XIRP2: variants seen among roughly 807,000 people sequenced by gnomAD.
The protein encoded by XIRP2 is xin actin binding repeat containing 2, also known as xin actin-binding repeat-containing protein 2.
In XIRP2, 236 loss-of-function variants were observed where a neutral mutation model predicts 277.0. The observed-to-expected ratio is 0.85, with a 90% CI of 0.77 to 0.95. The LOEUF is 0.95. XIRP2 is among the 40% of genes least tolerant of loss of function. XIRP2 has a pLI of 0.00. For synonymous variants in XIRP2, 1,490 were observed against 1,416.5 expected (o/e 1.05, Z -1.17); for missense variants, 4,640 against 4,157.5 (o/e 1.12, Z -3.19).
In XIRP2 at chr2:167,210,789, G is replaced by C; in HGVS notation, c.617G>C (p.Arg206Pro). 1 of 1,614,158 alleles carries C rather than the reference G, an allele frequency of 6.2e-7. No individual in the cohort carries two copies. Among genetic ancestry groups the C allele is most frequent in the Non-Finnish European group, 8.5e-7 (1 of 1,180,010 alleles). Residue 206 changes from arginine to proline, a missense_variant, in exon 4 of 11, where the codon CGG becomes CCG. Arg to Pro is a moderately radical substitution (Grantham distance 103). Coordinates refer to ENST00000409195, the MANE Select transcript of XIRP2 (RefSeq NM_152381.6). ...GGATTTGCAGAAGACAGTGCTGCTC[G>C]GGGCGAGGGTGTGTCAGACCTCCAC... ...ESGFAEDSAA[R>P]GEGVSDLHEV...
intron 2 of XIRP2, among the ~76,000 whole-genome samples, chr2:166,996,487 C>T (rs539305569): frequency 1.3e-5 from 2 of 152,084 alleles, no homozygotes; most frequent in South Asian, 2.1e-4. Flanking sequence ...AAAAATTAGG[C>T]GTGGTGATGC....
At chr2:167,187,455 G>A (rs1202848305) in intron 3 of XIRP2, 5 of 985,258 alleles carry the variant, frequency 5.1e-6, no homozygotes, top group South Asian at 4.7e-5. Context: ...AAACAAGGGA[G>A]GAAGCTAGTC....
At chr2:166,899,290 C>T (rs1307184552) in intron 1 of XIRP2, among the ~76,000 whole-genome samples, 1 of 152,054 alleles carries the variant, frequency 6.6e-6, no homozygotes, top group Non-Finnish European at 1.5e-5. Flanking sequence ...CTCCTTTATC[C>T]CTTTTCCCTA....
At chr2:167,240,818 A>G (rs1228612649) in intron 7 of XIRP2, 82 bp downstream of exon 7, 10 of 1,200,996 alleles carry the variant, frequency 8.3e-6, no homozygotes, top group Middle Eastern at 1.9e-4. Context: ...TCCAAAGCAC[A>G]GTCCTCCCCT....
At chr2:167,089,749 T>C (rs957104525) in intron 2 of XIRP2, among the ~76,000 whole-genome samples, 7 of 152,144 alleles carry the variant, frequency 4.6e-5, no homozygotes, top group African/African-American at 1.7e-4. Flanking sequence ...GACTTACCAG[T>C]CAGAGTTAGC....
chr2:166,933,219 G>C (rs891598693), intron 2 of XIRP2, among the ~76,000 whole-genome samples: 3 of 151,296 alleles, frequency 2.0e-5, no homozygotes, highest in African/African-American at 7.3e-5. Context: ...CGTGATCTTG[G>C]CTCATTGCAA....
At chr2:166,967,780 A>T (rs1261646856) in intron 2 of XIRP2, among the ~76,000 whole-genome samples, 1 of 151,934 alleles carries the variant, frequency 6.6e-6, no homozygotes, top group East Asian at 1.9e-4. Flanking sequence ...AGTGGAAAGA[A>T]ATTTTATTTA....
rs372136511 is a variant in XIRP2 at position 166,903,736 on chromosome 2, A to G, written c.254A>G (p.Asn85Ser). 3.7e-6 allele frequency: 6 copies of G among 1,613,652 alleles called. No homozygotes were observed. Among genetic ancestry groups the G allele is most frequent in the Non-Finnish European group, 5.1e-6 (6 of 1,179,798 alleles). The change falls in exon 2 of 11, where the codon AAC (asparagine) becomes AGC (serine). Residue 85 changes from asparagine (N) to serine (S), a missense_variant. By Grantham distance (46) the Asn-to-Ser change is conservative. Coordinates refer to ENST00000409195, the MANE Select transcript of XIRP2 (RefSeq NM_152381.6). The stretch of plus-strand genomic sequence containing the variant: ...GAGAAGGATTCTGTGGACAAGAGTA[A>G]CAACACCAGGGAATATGGTCGGCCA... ...PEEKDSVDKSNNTREYGRPEV... is the reference protein window; with the variant it reads ...PEEKDSVDKSSNTREYGRPEV...
intron 2 of XIRP2, among the ~76,000 whole-genome samples, chr2:167,076,297 T>A (rs902380449): frequency 6.6e-6 from 1 of 152,252 alleles, no homozygotes; most frequent in Non-Finnish European, 1.5e-5. Flanking sequence ...TCTTAGACTA[T>A]ACTCAATCTT....
rs1559042162 is a variant in XIRP2, at chr2:167,247,802, A to C, written c.6410A>C (p.Glu2137Ala). 6 of 1,613,292 alleles carry C rather than the reference A, an allele frequency of 3.7e-6. No homozygotes were observed. The South Asian group carries it at 6.6e-5, about 18-fold the overall frequency. ...YELRNDHQKMEGFHIKSPKKT... is the reference protein window; with the variant it reads ...YELRNDHQKMAGFHIKSPKKT... ...CTGAGAAATGACCACCAGAAAATGG[A>C]GGGTTTTCATATAAAGAGTCCTAAA... Residue 2137 changes from glutamate to alanine, a missense_variant, in exon 9 of 11, where the codon GAG becomes GCG. Coordinates refer to ENST00000409195, the MANE Select transcript of XIRP2 (RefSeq NM_152381.6).
At chr2:167,151,538 A>G (rs1451117956) in intron 3 of XIRP2, among the ~76,000 whole-genome samples, 1 of 152,136 alleles carries the variant, frequency 6.6e-6, no homozygotes, top group Admixed American at 6.6e-5. Context: ...TGTTAACACC[A>G]ATTATATGTA....
chr2:166,908,775 C>A (rs1433548976), intron 2 of XIRP2, among the ~76,000 whole-genome samples: 3 of 152,162 alleles, frequency 2.0e-5, no homozygotes, highest in African/African-American at 7.2e-5. Flanking sequence ...TTTAATCCAT[C>A]TTGAATTAAT....
rs186677814 is a variant in XIRP2, at chr2:167,097,264, C to T, written c.409-38645C>T. On this transcript the variant is annotated intron_variant, in intron 2 of 10. Transcript: ENST00000409195. Reference sequence around the variant, plus strand: ...GCATATGTATTTGGGATAGTTAGCTCTTCTTGTTCCATTGATCCCTTTACC... The same window carrying T: ...GCATATGTATTTGGGATAGTTAGCTTTTCTTGTTCCATTGATCCCTTTACC... 2.6e-4 allele frequency among the ~76,000 whole-genome samples: 39 copies of T among 152,262 alleles called. No individual in the cohort carries two copies. In the East Asian group the frequency reaches 7.1e-3, roughly 28 times the overall value.
chr2:166,923,673 C>T (rs539405770), intron 2 of XIRP2, among the ~76,000 whole-genome samples: 7 of 152,172 alleles, frequency 4.6e-5, no homozygotes, highest in East Asian at 1.9e-4. Flanking sequence ...AGATGGTAGC[C>T]GAACTTCCCC....
chr2:167,246,823 G>A lies in XIRP2; in HGVS notation c.5431G>A (p.Gly1811Arg), dbSNP rs1200780035. Residue 1811 changes from glycine to arginine, a missense_variant, in exon 9 of 11, where the codon GGA becomes AGA. Physicochemically the swap from Gly to Arg is moderately radical, Grantham distance 125. Transcript: ENST00000409195. ...TGTTAGTGAAACTGACATCATCCCT[G>A]GAGATGTGCATAACACAGTTAAGGT... ...RTVSETDIIP[G>R]DVHNTVKVFM... 5 of 1,613,718 alleles carry A rather than the reference G, an allele frequency of 3.1e-6. No individual in the cohort carries two copies. In the South Asian group the frequency reaches 3.3e-5, roughly 11 times the overall value.
At chr2:167,003,826 C>G (rs2105459093) in intron 2 of XIRP2, among the ~76,000 whole-genome samples, 1 of 151,926 alleles carries the variant, frequency 6.6e-6, no homozygotes, top group South Asian at 2.1e-4. Context: ...ATACAAGAAT[C>G]TACTTAATCA....
intron 2 of XIRP2, among the ~76,000 whole-genome samples, chr2:167,047,706 G>A (rs1688818896): frequency 6.6e-6 from 1 of 151,846 alleles, no homozygotes; most frequent in Non-Finnish European, 1.5e-5. Flanking sequence ...CCTGTTTAGG[G>A]CTCATGTCAG....
chr2:167,059,138 G>T (rs1210707609), intron 2 of XIRP2, among the ~76,000 whole-genome samples: 2 of 114,012 alleles, frequency 1.8e-5, no homozygotes, highest in Non-Finnish European at 3.3e-5. Context: ...ACAGAGTCCT[G>T]CTCTGTCACC....
At chr2:167,231,709 A>T (rs1694761994) in intron 5 of XIRP2, among the ~76,000 whole-genome samples, 2 of 151,970 alleles carry the variant, frequency 1.3e-5, no homozygotes, top group Admixed American at 6.6e-5. Context: ...TGCAGAAAAG[A>T]CTATACTGAT....
Sources: allele counts gnomAD v4.1 joint callset (sites outside exome capture counted in the v4.1 genomes callset), GRCh38; gene constraint gnomAD v4.1.1; transcripts MANE v1.5; gene names NCBI Gene and HGNC (gene_info 2026-07-23, HGNC 2026-07-21).